Variants in ARHGAP24 observed in about 807,000 individuals in gnomAD.
ARHGAP24 encodes the protein rho GTPase-activating protein 24.
In ARHGAP24, 50 loss-of-function variants were observed where a neutral mutation model predicts 76.4. The ratio of observed to expected loss-of-function variants is 0.65; its 90% CI spans 0.52 to 0.83. The LOEUF (loss-of-function observed/expected upper bound fraction) is 0.83. ARHGAP24 is among the 40% of genes least tolerant of loss of function. ARHGAP24 has a pLI of 0.00. For synonymous variants in ARHGAP24, 345 were observed against 323.3 expected (o/e 1.07, Z -0.72); for missense variants, 930 against 914.2 (o/e 1.02, Z -0.22).
chr4:85,582,999 C>G (rs1359307093), intron 2 of ARHGAP24, among the ~76,000 whole-genome samples: 1 of 152,032 alleles, frequency 6.6e-6, no homozygotes, highest in African/African-American at 2.4e-5. Flanking sequence ...GCGGTGCTTC[C>G]CTGGGGACTT....
chr4:85,779,668 A>G (rs1727451902), intron 3 of ARHGAP24, among the ~76,000 whole-genome samples: 1 of 152,096 alleles, frequency 6.6e-6, no homozygotes, highest in South Asian at 2.1e-4. Context: ...GAACATTTCT[A>G]AGAAGAGTGA....
intron 3 of ARHGAP24, among the ~76,000 whole-genome samples, chr4:85,799,607 AATCT>A (rs1477874864): frequency 6.6e-6 from 1 of 152,202 alleles, no homozygotes; most frequent in Non-Finnish European, 1.5e-5. Context: ...GCTACAGGAA[AATCT>A]ATCTATGAAT....
At chr4:85,750,485 CTTTTTTTTTTTTTTTTTT>C (rs60635375) in intron 3 of ARHGAP24, among the ~76,000 whole-genome samples, 1 of 61,616 alleles carries the variant, frequency 1.6e-5, no homozygotes, top group East Asian at 5.5e-4. Flanking sequence ...CTTTTCATTC[CTTTTTTTTTTTTTTTTTT>C]TTTTTTTTTT....
intron 2 of ARHGAP24, among the ~76,000 whole-genome samples, chr4:85,643,902 C>T (rs1387854274): frequency 6.6e-6 from 1 of 152,116 alleles, no homozygotes; most frequent in Admixed American, 6.5e-5. Flanking sequence ...AAAGATTAGC[C>T]TGAAGTCTGA....
chr4:85,935,788 G>C (rs1736597233), intron 4 of ARHGAP24, among the ~76,000 whole-genome samples: 2 of 152,148 alleles, frequency 1.3e-5, no homozygotes, highest in Admixed American at 6.5e-5. Flanking sequence ...AATGGTCAAA[G>C]ACCTAGTCCA....
intron 2 of ARHGAP24, among the ~76,000 whole-genome samples, chr4:85,668,450 A>G (rs1326291514): frequency 6.6e-6 from 1 of 152,234 alleles, no homozygotes; most frequent in African/African-American, 2.4e-5. Flanking sequence ...GAAAGAGAGC[A>G]AAGGGTGCTG....
chr4:85,813,586 A>G (rs1458069893), intron 3 of ARHGAP24, among the ~76,000 whole-genome samples: 2 of 152,014 alleles, frequency 1.3e-5, no homozygotes, highest in Non-Finnish European at 2.9e-5. Flanking sequence ...AACTGCCTAA[A>G]TAATTATAAG....
intron 3 of ARHGAP24, among the ~76,000 whole-genome samples, chr4:85,749,350 T>C (rs1031606526): frequency 6.6e-6 from 1 of 152,088 alleles, no homozygotes; most frequent in African/African-American, 2.4e-5. Context: ...CTTAGAAGAG[T>C]CTCACTCCAT....
intron 1 of ARHGAP24, among the ~76,000 whole-genome samples, chr4:85,537,503 G>C (rs953026177): frequency 2.0e-5 from 3 of 152,140 alleles, no homozygotes; most frequent in Non-Finnish European, 4.4e-5. Flanking sequence ...GCAGATTCCT[G>C]TAGGGAAAAG....
intron 4 of ARHGAP24, chr4:85,930,932 T>C: frequency 6.2e-7 from 1 of 1,614,024 alleles, no homozygotes; most frequent in Non-Finnish European, 8.5e-7. Context: ...GCCTGTACGA[T>C]GCCTGAAGAC....
chr4:85,868,885 A>T (rs1732357940), intron 3 of ARHGAP24, among the ~76,000 whole-genome samples: 1 of 152,064 alleles, frequency 6.6e-6, no homozygotes, highest in African/African-American at 2.4e-5. Context: ...CATCTTTCAT[A>T]TGTTGCCAGG....
At chr4:85,488,390 G>C (rs1335575079) in intron 1 of ARHGAP24, among the ~76,000 whole-genome samples, 1 of 152,108 alleles carries the variant, frequency 6.6e-6, no homozygotes, top group Non-Finnish European at 1.5e-5. Context: ...AATCTTTCAT[G>C]TTTACTATCT....
chr4:85,726,486 C>T (rs139163598), intron 3 of ARHGAP24, among the ~76,000 whole-genome samples: 2 of 152,246 alleles, frequency 1.3e-5, no homozygotes, highest in African/African-American at 4.8e-5. Flanking sequence ...TCCCCTGAGG[C>T]GGTGATCCCT....
rs148619692 is a variant in ARHGAP24 at position 85,714,920 on chromosome 4, A to T, written c.181-6965A>T. On this transcript the variant is annotated intron_variant, in intron 2 of 9. Coordinates refer to ENST00000395184, the MANE Select transcript of ARHGAP24 (RefSeq NM_001025616.3). ...GGAACATAAATTGGCTTAACAGCTA[A>T]TGGTAAATCCTTAAAGCAGTTTGCA... 5.3e-3 allele frequency among the ~76,000 whole-genome samples: 803 copies of T among 152,284 alleles called. 6 individuals are homozygous for T. The highest frequency in any genetic ancestry group is 0.018 in the African/African-American group (760 of 41,570).
chr4:85,818,981 A>G (rs1245724439), intron 3 of ARHGAP24, among the ~76,000 whole-genome samples: 1 of 152,160 alleles, frequency 6.6e-6, no homozygotes, highest in Non-Finnish European at 1.5e-5. Context: ...TGTTTTAAAG[A>G]GAAACGTCAT....
intron 2 of ARHGAP24, among the ~76,000 whole-genome samples, chr4:85,662,895 G>C (rs1292369132): frequency 6.6e-6 from 1 of 152,078 alleles, no homozygotes; most frequent in Non-Finnish European, 1.5e-5. Flanking sequence ...TTAGGTACCA[G>C]TACCATGCTG....
At chr4:85,788,640 T>C (rs954145026) in intron 3 of ARHGAP24, among the ~76,000 whole-genome samples, 1 of 152,236 alleles carries the variant, frequency 6.6e-6, no homozygotes, top group East Asian at 1.9e-4. Context: ...ATACAAATTC[T>C]GGTCTCTAAG....
intron 3 of ARHGAP24, among the ~76,000 whole-genome samples, chr4:85,737,597 A>G (rs1459259538): frequency 6.6e-6 from 1 of 152,214 alleles, no homozygotes; most frequent in Admixed American, 6.5e-5. Context: ...CTTGCTGCTC[A>G]AAATAATTGG....
intron 4 of ARHGAP24, among the ~76,000 whole-genome samples, chr4:85,936,244 G>C (rs1229534934): frequency 6.6e-6 from 1 of 152,104 alleles, no homozygotes; most frequent in Non-Finnish European, 1.5e-5. Context: ...TTAATGGCAC[G>C]ACCCACGAAC....
Sources: allele counts gnomAD v4.1 joint callset (sites outside exome capture counted in the v4.1 genomes callset), GRCh38; gene constraint gnomAD v4.1.1; transcripts MANE v1.5; gene names NCBI Gene and HGNC (gene_info 2026-07-23, HGNC 2026-07-21).